Variants in CTNNA2 observed in about 807,000 individuals in gnomAD.
CTNNA2 encodes the protein catenin alpha-2.
Under a neutral mutation model 101.0 loss-of-function variants are expected in CTNNA2, and 42 were observed. The ratio of observed to expected loss-of-function variants is 0.42; its 90% CI spans 0.32 to 0.54. The LOEUF (loss-of-function observed/expected upper bound fraction) is 0.54, where lower values mean the gene tolerates loss of function less well. CTNNA2 is among the 20% of genes least tolerant of loss of function. The pLI, the probability that CTNNA2 is intolerant of heterozygous loss-of-function variation, is 0.14. For missense variants in CTNNA2, 871 were observed against 1,223.1 expected (o/e 0.71, Z 4.29); for synonymous variants, 450 against 456.4 (o/e 0.99, Z 0.18).
intron 3 of CTNNA2, among the ~76,000 whole-genome samples, chr2:79,849,915 C>T (rs1680535480): frequency 6.6e-6 from 1 of 152,190 alleles, no homozygotes; most frequent in Non-Finnish European, 1.5e-5. Flanking sequence ...CTCCTCTCGA[C>T]AGCATTCCTT....
chr2:79,262,220 T>A (rs957804242), intron 2 of CTNNA2, among the ~76,000 whole-genome samples: 8 of 152,124 alleles, frequency 5.3e-5, no homozygotes, highest in Non-Finnish European at 5.9e-5. Context: ...TACTCCTATA[T>A]GGAATAATGT....
At chr2:80,492,709 C>T (rs961908347) in intron 9 of CTNNA2, among the ~76,000 whole-genome samples, 11 of 152,148 alleles carry the variant, frequency 7.2e-5, no homozygotes, top group African/African-American at 2.2e-4. Context: ...GTCCTTATGG[C>T]GCCATACTCT....
intron 7 of CTNNA2, among the ~76,000 whole-genome samples, chr2:80,212,224 G>A (rs1049616544): frequency 1.3e-5 from 2 of 152,090 alleles, no homozygotes; most frequent in Admixed American, 1.3e-4. Flanking sequence ...TCTCCTGCCT[G>A]ATTGCCCTGG....
intron 3 of CTNNA2, among the ~76,000 whole-genome samples, chr2:79,764,224 A>G (rs373340993): frequency 7.0e-4 from 107 of 152,272 alleles, no homozygotes; most frequent in African/African-American, 2.2e-3. Context: ...TTTATGAATC[A>G]CCTTGTATTT....
chr2:79,703,212 A>G (rs1685127271), intron 2 of CTNNA2, among the ~76,000 whole-genome samples: 1 of 152,196 alleles, frequency 6.6e-6, no homozygotes, highest in African/African-American at 2.4e-5. Flanking sequence ...CTGCATGTTT[A>G]TTTTGAAATG....
At chr2:80,063,162 A>C (rs142522986) in intron 7 of CTNNA2, among the ~76,000 whole-genome samples, 265 of 152,192 alleles carry the variant, frequency 1.7e-3, no homozygotes, top group African/African-American at 5.4e-3. Flanking sequence ...TCCAGGCATT[A>C]TGCCTGTGAA....
chr2:80,359,094 G>A lies in CTNNA2; in HGVS notation c.1057-34117G>A, dbSNP rs183695595. ...CAAAACAAAAAAAACCTTTTTAGCC[G>A]CTGAGTATGATGGCTCACACCTGTA... On this transcript the variant is annotated intron_variant, in intron 7 of 18. Transcript: ENST00000402739. 1.3e-4 allele frequency among the ~76,000 whole-genome samples: 20 copies of A among 152,092 alleles called. No individual in the cohort carries two copies. In the East Asian group the frequency reaches 2.1e-3, roughly 16 times the overall value.
intron 3 of CTNNA2, among the ~76,000 whole-genome samples, chr2:79,351,666 A>G (rs1423555165): frequency 6.6e-6 from 1 of 152,084 alleles, no homozygotes; most frequent in African/African-American, 2.4e-5. Context: ...TTTAGCTCCT[A>G]TTCTTGAGAA....
At chr2:79,438,217 C>G (rs1036214572) in intron 4 of CTNNA2, among the ~76,000 whole-genome samples, 1 of 152,170 alleles carries the variant, frequency 6.6e-6, no homozygotes, top group Non-Finnish European at 1.5e-5. Context: ...TACCCCAAAG[C>G]TCTAGAGATA....
At chr2:79,878,150 T>C (rs2104094112) in intron 6 of CTNNA2, among the ~76,000 whole-genome samples, 1 of 152,300 alleles carries the variant, frequency 6.6e-6, no homozygotes, top group Non-Finnish European at 1.5e-5. Flanking sequence ...ATGATATTAT[T>C]CCTTCTTATG....
intron 7 of CTNNA2, among the ~76,000 whole-genome samples, chr2:80,099,773 T>C (rs956351852): frequency 1.4e-5 from 2 of 143,114 alleles, no homozygotes; most frequent in African/African-American, 2.6e-5. Flanking sequence ...AAAAAAAACA[T>C]TTATCAAACT....
intron 7 of CTNNA2, among the ~76,000 whole-genome samples, chr2:80,267,630 C>G (rs1311052337): frequency 1.3e-5 from 2 of 152,148 alleles, no homozygotes; most frequent in African/African-American, 2.4e-5. Flanking sequence ...ACGATTCGCT[C>G]TAAATGAGAA....
intron 7 of CTNNA2, among the ~76,000 whole-genome samples, chr2:80,290,391 C>T (rs1250026165): frequency 6.6e-6 from 1 of 152,048 alleles, no homozygotes; most frequent in Non-Finnish European, 1.5e-5. Flanking sequence ...CTTCTCATTT[C>T]TTCCCCAGTG....
intron 4 of CTNNA2, among the ~76,000 whole-genome samples, chr2:79,433,290 C>G (rs1678676054): frequency 6.6e-6 from 1 of 152,128 alleles, no homozygotes; most frequent in Non-Finnish European, 1.5e-5. Context: ...AAGTCAGAAA[C>G]AAACTACTCC....
intron 9 of CTNNA2, among the ~76,000 whole-genome samples, chr2:80,430,781 G>T (rs538029445): frequency 6.6e-6 from 1 of 152,162 alleles, no homozygotes; most frequent in Admixed American, 6.5e-5. Flanking sequence ...TTGGTCTTTT[G>T]TTATACTAAT....
intron 7 of CTNNA2, among the ~76,000 whole-genome samples, chr2:80,055,500 C>A (rs1431062121): frequency 6.6e-6 from 1 of 152,070 alleles, no homozygotes; most frequent in East Asian, 1.9e-4. Context: ...ATTATTGGAC[C>A]CACGAAGTTG....
intron 2 of CTNNA2, among the ~76,000 whole-genome samples, chr2:79,658,955 A>G (rs1222053699): frequency 6.6e-6 from 1 of 152,018 alleles, no homozygotes; most frequent in African/African-American, 2.4e-5. Flanking sequence ...CACTTTATAT[A>G]TTTTAAAAAC....
At chr2:80,201,504 G>T (rs1368460015) in intron 7 of CTNNA2, among the ~76,000 whole-genome samples, 1 of 150,770 alleles carries the variant, frequency 6.6e-6, no homozygotes, top group Admixed American at 6.6e-5. Context: ...CTCCCGAGTA[G>T]CTGGGACTAC....
intron 3 of CTNNA2, among the ~76,000 whole-genome samples, chr2:79,841,950 C>T (rs1229609295): frequency 2.6e-5 from 4 of 152,158 alleles, no homozygotes; most frequent in African/African-American, 4.8e-5. Flanking sequence ...AGCATAAATA[C>T]TTATATGTCT....
Sources: gnomAD v4.1 joint callset for allele counts (sites outside exome capture counted in the v4.1 genomes callset) on GRCh38, gnomAD v4.1.1 for gene constraint, MANE v1.5 for transcripts, NCBI Gene and HGNC (gene_info 2026-07-23, HGNC 2026-07-21) for gene names.